B3GALT1: variants seen among roughly 807,000 people sequenced by gnomAD.
B3GALT1 encodes UDP-Gal:betaGlcNAc beta 1,3-galactosyltransferase, polypeptide 1.
B3GALT1 carries 10 observed loss-of-function variants against 23.2 expected under a neutral mutation model. The ratio of observed to expected loss-of-function variants is 0.43; its 90% CI spans 0.27 to 0.73. B3GALT1 has a LOEUF of 0.73. Ranked by LOEUF, B3GALT1 falls within the 30% of genes least tolerant of loss-of-function variation. The pLI is 0.21. For synonymous variants in B3GALT1, 156 were observed against 141.5 expected, an observed-to-expected ratio of 1.10 and a Z score of -0.73; for missense variants, 299 against 405.4, an observed-to-expected ratio of 0.74 and a Z score of 2.25.
chr2:167,672,225 C>T (rs1450588322), intron 3 of B3GALT1, among the ~76,000 whole-genome samples: 2 of 152,102 alleles, frequency 1.3e-5, no homozygotes, highest in Non-Finnish European at 2.9e-5. Flanking sequence ...CTTACGATCC[C>T]CATCTACCTT....
intron 1 of B3GALT1, among the ~76,000 whole-genome samples, chr2:167,444,343 C>G (rs1281242390): frequency 6.6e-6 from 1 of 152,024 alleles, no homozygotes; most frequent in African/African-American, 2.4e-5. Context: ...TTTGTTTTGT[C>G]TCCGCCAGGC....
chr2:167,339,947 A>G (rs1184664273), intron 1 of B3GALT1, among the ~76,000 whole-genome samples: 1 of 152,188 alleles, frequency 6.6e-6, no homozygotes, highest in Non-Finnish European at 1.5e-5. Context: ...AGAGCTTTTT[A>G]TAACCCTATT....
At chr2:167,687,144 C>T (rs1686630034) in intron 3 of B3GALT1, among the ~76,000 whole-genome samples, 1 of 152,180 alleles carries the variant, frequency 6.6e-6, no homozygotes, top group African/African-American at 2.4e-5. Flanking sequence ...CTGCACAGAA[C>T]CTGAAAAGCT....
At chr2:167,335,625 C>T (rs1697047192) in intron 1 of B3GALT1, among the ~76,000 whole-genome samples, 1 of 152,190 alleles carries the variant, frequency 6.6e-6, no homozygotes, top group African/African-American at 2.4e-5. Context: ...AACTTCCTGA[C>T]ATTGCCTTGG....
chr2:167,429,043 GC>G (rs1248925461), intron 1 of B3GALT1, among the ~76,000 whole-genome samples: 1 of 152,134 alleles, frequency 6.6e-6, no homozygotes, highest in Non-Finnish European at 1.5e-5. Flanking sequence ...ACTTTGGGAG[GC>G]TGAGGCAGGC....
intron 3 of B3GALT1, among the ~76,000 whole-genome samples, chr2:167,726,607 T>A (rs1159742605): frequency 2.6e-5 from 4 of 152,202 alleles, no homozygotes; most frequent in African/African-American, 4.8e-5. Flanking sequence ...ATTAAATATT[T>A]TATATACTTT....
At chr2:167,618,666 G>A (rs1352672862) in intron 2 of B3GALT1, among the ~76,000 whole-genome samples, 1 of 151,898 alleles carries the variant, frequency 6.6e-6, no homozygotes, top group Non-Finnish European at 1.5e-5. Context: ...TTCATTTCAT[G>A]TCTTTTTAAC....
intron 2 of B3GALT1, among the ~76,000 whole-genome samples, chr2:167,550,822 G>C (rs956890105): frequency 1.3e-5 from 2 of 152,186 alleles, no homozygotes; most frequent in Non-Finnish European, 2.9e-5. Flanking sequence ...GTAGAGGCTT[G>C]AGCACGTGCA....
chr2:167,780,449 T>A (rs1688228041), intron 3 of B3GALT1, among the ~76,000 whole-genome samples: 1 of 152,254 alleles, frequency 6.6e-6, no homozygotes, highest in African/African-American at 2.4e-5. Flanking sequence ...GCTATTATGA[T>A]GGCATCTATA....
At chr2:167,668,826 C>A (rs1470938774) in intron 3 of B3GALT1, among the ~76,000 whole-genome samples, 1 of 152,190 alleles carries the variant, frequency 6.6e-6, no homozygotes, top group Non-Finnish European at 1.5e-5. Flanking sequence ...GTGCGTGCAC[C>A]CACTGACCTG....
rs568028598 is a variant in B3GALT1 at position 167,679,122 on chromosome 2, G to T, written c.-352+32156G>T. Reference sequence around the variant, plus strand: ...TTTTTGTTTTTGTTTTTTTGTTTTTGTTTTTTTTTTTGAGACAGAGTTTCA... The same window carrying T: ...TTTTTGTTTTTGTTTTTTTGTTTTTTTTTTTTTTTTTGAGACAGAGTTTCA... On this transcript the variant is annotated intron_variant, in intron 3 of 4. Coordinates refer to ENST00000392690, the MANE Select transcript of B3GALT1 (RefSeq NM_020981.4). 4.8e-3 allele frequency among the ~76,000 whole-genome samples: 699 copies of T among 145,040 alleles called. 4 individuals carry two copies. The highest frequency in any genetic ancestry group is 0.017 in the African/African-American group (662 of 39,494).
chr2:167,869,419 A>G lies in B3GALT1; in HGVS notation c.380A>G (p.Asn127Ser), dbSNP rs1196408946. Residue 127 changes from asparagine (N) to serine (S), a missense_variant, in exon 5 of 5, where the codon AAT (asparagine) becomes AGT (serine). Asn to Ser is a conservative substitution (Grantham distance 46). Coordinates refer to ENST00000392690, the MANE Select transcript of B3GALT1 (RefSeq NM_020981.4). This position sits in a 1 kb window ranked among gnomAD's most constrained non-coding sequence, Gnocchi z 6.4. ...LLGKNADPVL[N>S]QMVEQESQIF... is the part of the protein sequence containing the mutation. ...GGCAAGAATGCTGATCCTGTTCTCA[A>G]TCAGATGGTGGAGCAAGAGAGCCAA... The G allele has an allele frequency of 6.2e-6, 10 of 1,613,964 alleles. No homozygotes were observed. Among genetic ancestry groups the G allele is most frequent in the Admixed American group, 1.7e-5 (1 of 59,998 alleles).
chr2:167,713,940 C>A (rs755848945), intron 3 of B3GALT1: 144 of 1,567,698 alleles, frequency 9.2e-5, no homozygotes, highest in Non-Finnish European at 1.2e-4. Context: ...GTGAACAGGC[C>A]CCTTGTATCC....
chr2:167,576,520 G>GTTTTTTTTTTGTTTTTTTTTTTTTT lies in B3GALT1; in HGVS notation c.-409-70379_-409-70378insGTTTTTTTTTTTTTTTTTTTTTTTT, dbSNP rs1558912483. Among the ~76,000 whole-genome samples the GTTTTTTTTTTGTTTTTTTTTTTTTT allele has an allele frequency of 3.3e-5, 4 of 122,422 alleles. No homozygotes were observed. In the East Asian group the frequency reaches 6.6e-4, roughly 20 times the overall value. 80.3% of individuals were successfully genotyped at this position (122,422 alleles called of 152,430 possible). A position where few individuals can be genotyped will look rare whatever the true frequency, so the allele number is the denominator to read the frequency against. ...AAAGTAACTCGTTTTTTGTTTTTCT[G>GTTTTTTTTTTGTTTTTTTTTTTTTT]TTTTTTTTTTTGTTTTTTTTTTTTG... On this transcript the variant is annotated intron_variant, in intron 2 of 4. Transcript: ENST00000392690.
intron 1 of B3GALT1, among the ~76,000 whole-genome samples, chr2:167,478,644 G>A (rs1388860656): frequency 6.6e-6 from 1 of 151,498 alleles, no homozygotes; most frequent in Non-Finnish European, 1.5e-5. Flanking sequence ...GTATACATGT[G>A]CCATGTTGGT....
chr2:167,700,587 A>G (rs572843012), intron 3 of B3GALT1, among the ~76,000 whole-genome samples: 2 of 152,226 alleles, frequency 1.3e-5, no homozygotes, highest in Non-Finnish European at 2.9e-5. Context: ...GTCTTCAAAG[A>G]GAAACAGAGG....
intron 2 of B3GALT1, among the ~76,000 whole-genome samples, chr2:167,546,106 G>A (rs935783183): frequency 6.6e-6 from 1 of 152,162 alleles, no homozygotes; most frequent in African/African-American, 2.4e-5. Flanking sequence ...GAATTTTGGA[G>A]TTTGGGATAA....
chr2:167,626,126 T>G (rs1685339278), intron 2 of B3GALT1, among the ~76,000 whole-genome samples: 1 of 151,146 alleles, frequency 6.6e-6, no homozygotes, highest in Non-Finnish European at 1.5e-5. Context: ...AACATGAAGT[T>G]GGTCATGAGC....
chr2:167,395,054 T>G (rs1343128652), intron 1 of B3GALT1, among the ~76,000 whole-genome samples: 1 of 152,162 alleles, frequency 6.6e-6, no homozygotes, highest in African/African-American at 2.4e-5. Flanking sequence ...CATTTGGGAC[T>G]TTTGAGTTGA....
Sources: gnomAD v4.1 joint callset for allele counts (sites outside exome capture counted in the v4.1 genomes callset) on GRCh38, gnomAD v4.1.1 for gene constraint, Gnocchi (gnomAD v3.1) non-coding constraint, MANE v1.5 for transcripts, NCBI Gene and HGNC (gene_info 2026-07-23, HGNC 2026-07-21) for gene names.